TRAPPC9: variants seen among roughly 807,000 people sequenced by gnomAD.
The protein encoded by TRAPPC9 is IKK2 binding protein.
In TRAPPC9, 83 loss-of-function variants were observed where a neutral mutation model predicts 124.0. The observed-to-expected ratio is 0.67, with a 90% CI of 0.56 to 0.80. The LOEUF (loss-of-function observed/expected upper bound fraction) is 0.80, where lower values mean the gene tolerates loss of function less well. TRAPPC9 is among the 30% of genes least tolerant of loss of function. The pLI, the probability that TRAPPC9 is intolerant of heterozygous loss-of-function variation, is 0.00. For missense variants in TRAPPC9, 1,302 were observed against 1,508.3 expected, an observed-to-expected ratio of 0.86 and a Z score of 2.27; for synonymous variants, 638 against 617.5, an observed-to-expected ratio of 1.03 and a Z score of -0.49.
intron 11 of TRAPPC9, among the ~76,000 whole-genome samples, chr8:140,295,233 A>G (rs1009298371): frequency 6.6e-6 from 1 of 152,250 alleles, no homozygotes. Context: ...CACAGGGCAT[A>G]TAACTGCTAC....
intron 17 of TRAPPC9, among the ~76,000 whole-genome samples, chr8:140,058,978 A>G (rs1323109440): frequency 6.6e-6 from 1 of 152,230 alleles, no homozygotes; most frequent in Non-Finnish European, 1.5e-5. Context: ...AATCCATCGT[A>G]ATGAAGTATG....
At position 140,408,971 on chromosome 8, in the gene TRAPPC9, G is replaced by A. The variant is rs187911354; in HGVS notation, c.887-3273C>T. Among the ~76,000 whole-genome samples, 496 of 152,054 alleles carry A rather than the reference G, an allele frequency of 3.3e-3. 3 individuals are homozygous for A. The highest frequency in any genetic ancestry group is 4.8e-3 in the Admixed American group (73 of 15,248). ...GGCTCTCTATCACACAAACCTAAAC[G>A]CAATAAAAGACTAATATATTCAACC... On this transcript the variant is annotated intron_variant, in intron 5 of 22. Transcript: ENST00000438773.
chr8:139,839,243 C>G (rs1426502453), intron 21 of TRAPPC9, among the ~76,000 whole-genome samples: 1 of 152,246 alleles, frequency 6.6e-6, no homozygotes, highest in Non-Finnish European at 1.5e-5. Context: ...ACACTATGCT[C>G]AGCACCAGGG....
chr8:140,443,705 A>T (rs1289935081), intron 2 of TRAPPC9, among the ~76,000 whole-genome samples: 1 of 152,196 alleles, frequency 6.6e-6, no homozygotes, highest in East Asian at 1.9e-4. Flanking sequence ...GTTCGAGAAC[A>T]GCCTGTCCAA....
At chr8:140,198,534 G>C (rs2062716703) in intron 17 of TRAPPC9, among the ~76,000 whole-genome samples, 1 of 152,032 alleles carries the variant, frequency 6.6e-6, no homozygotes. Flanking sequence ...TTTCAGCCCT[G>C]ACCAATCAGC....
chr8:140,415,773 G>C (rs1018850913), intron 5 of TRAPPC9, among the ~76,000 whole-genome samples: 1 of 151,946 alleles, frequency 6.6e-6, no homozygotes, highest in Non-Finnish European at 1.5e-5. Flanking sequence ...GTCCAAGACC[G>C]GGCTTGGTAA....
intron 21 of TRAPPC9, among the ~76,000 whole-genome samples, chr8:139,791,456 A>G (rs895896688): frequency 7.6e-6 from 1 of 131,260 alleles, no homozygotes; most frequent in African/African-American, 2.9e-5. Context: ...ACTCACGGGT[A>G]CCCGTCTCCC....
At chr8:139,967,914 G>A (rs549271527) in intron 19 of TRAPPC9, among the ~76,000 whole-genome samples, 6 of 152,118 alleles carry the variant, frequency 3.9e-5, no homozygotes, top group South Asian at 2.1e-4. Context: ...CGAGGCGGGC[G>A]GACTGCCTGA....
chr8:139,896,718 C>A (rs1220001952), intron 20 of TRAPPC9, among the ~76,000 whole-genome samples: 1 of 152,208 alleles, frequency 6.6e-6, no homozygotes, highest in African/African-American at 2.4e-5. Context: ...AAAGATCCTG[C>A]TGTCCACAGG....
At chr8:139,845,004 C>T (rs541511377) in intron 21 of TRAPPC9, among the ~76,000 whole-genome samples, 3 of 152,278 alleles carry the variant, frequency 2.0e-5, no homozygotes, top group Non-Finnish European at 4.4e-5. Context: ...ATCCTCCACA[C>T]CTTCCCATCC....
chr8:140,067,118 T>C (rs1000854589), intron 17 of TRAPPC9, among the ~76,000 whole-genome samples: 23 of 152,120 alleles, frequency 1.5e-4, no homozygotes, highest in African/African-American at 5.6e-4. Context: ...GAAAGACCCA[T>C]TTCTTTCTAA....
intron 19 of TRAPPC9, among the ~76,000 whole-genome samples, chr8:139,930,705 A>T (rs1462402946): frequency 1.3e-5 from 2 of 152,220 alleles, no homozygotes; most frequent in East Asian, 3.8e-4. Flanking sequence ...GTTTTCAACC[A>T]ATCCTAGTAA....
intron 21 of TRAPPC9, among the ~76,000 whole-genome samples, chr8:139,796,822 T>G (rs1220089051): frequency 6.6e-6 from 1 of 152,250 alleles, no homozygotes; most frequent in Non-Finnish European, 1.5e-5. Flanking sequence ...GAGGAACTGC[T>G]AGACTGTCTT....
At chr8:140,292,259 A>C (rs543386567) in intron 11 of TRAPPC9, among the ~76,000 whole-genome samples, 1 of 152,192 alleles carries the variant, frequency 6.6e-6, no homozygotes, top group South Asian at 2.1e-4. Context: ...ATTACTCTGC[A>C]TAAGGACCTC....
chr8:140,195,215 CAAT>C (rs1350031163), intron 17 of TRAPPC9, among the ~76,000 whole-genome samples: 1 of 150,728 alleles, frequency 6.6e-6, no homozygotes, highest in African/African-American at 2.5e-5. Context: ...AAAACACACT[CAAT>C]GATCCACCGT....
At chr8:139,876,556 C>G (rs748582442) in intron 21 of TRAPPC9, among the ~76,000 whole-genome samples, 1 of 152,220 alleles carries the variant, frequency 6.6e-6, no homozygotes, top group Non-Finnish European at 1.5e-5. Flanking sequence ...TCTGGAACCC[C>G]AGCCCTCATC....
intron 21 of TRAPPC9, among the ~76,000 whole-genome samples, chr8:139,754,519 G>T (rs1819567317): frequency 6.6e-6 from 1 of 152,086 alleles, no homozygotes; most frequent in Admixed American, 6.5e-5. Context: ...GACCCTTCCT[G>T]GGGTGACCTA....
At chr8:140,328,707 C>T (rs998612717) in intron 9 of TRAPPC9, among the ~76,000 whole-genome samples, 4 of 152,030 alleles carry the variant, frequency 2.6e-5, no homozygotes, top group African/African-American at 9.7e-5. Context: ...TGTTCCCCAA[C>T]AACCTATGGA....
intron 7 of TRAPPC9, among the ~76,000 whole-genome samples, chr8:140,372,264 C>T (rs2068303809): frequency 6.6e-6 from 1 of 152,226 alleles, no homozygotes; most frequent in South Asian, 2.1e-4. Flanking sequence ...GTTAAGGAAG[C>T]GCTTCTCTCC....
Sources: allele counts gnomAD v4.1 joint callset (sites outside exome capture counted in the v4.1 genomes callset), GRCh38; gene constraint gnomAD v4.1.1; transcripts MANE v1.5; gene names NCBI Gene and HGNC (gene_info 2026-07-23, HGNC 2026-07-21).